Variants in CCDC171 observed in about 807,000 individuals in gnomAD.
CCDC171 encodes coiled-coil domain containing 171.
A neutral mutation model predicts 168.2 loss-of-function variants in CCDC171; 177 were observed. That is an observed-to-expected ratio of 1.05 (90% confidence interval 0.93 to 1.19). The LOEUF (loss-of-function observed/expected upper bound fraction) is 1.19. Ranked by LOEUF, CCDC171 falls within the 50% of genes most tolerant of loss-of-function variation. CCDC171 has a pLI of 0.00. For missense variants in CCDC171, 1,991 were observed against 1,539.0 expected (o/e 1.29, Z -4.91); for synonymous variants, 687 against 540.8 (o/e 1.27, Z -3.75).
chr9:15,909,837 A>G (rs1411792559), intron 24 of CCDC171, among the ~76,000 whole-genome samples: 1 of 151,970 alleles, frequency 6.6e-6, no homozygotes, highest in East Asian at 1.9e-4. Context: ...TTTTATTTTT[A>G]TTTTTACATA....
chr9:15,682,325 A>G (rs1202913802), intron 10 of CCDC171, among the ~76,000 whole-genome samples: 1 of 152,018 alleles, frequency 6.6e-6, no homozygotes, highest in Non-Finnish European at 1.5e-5. Context: ...AACCAGTTGG[A>G]AAGTGATAGC....
At chr9:15,558,170 G>GT (rs1395406984) in intron 1 of CCDC171, among the ~76,000 whole-genome samples, 1 of 151,862 alleles carries the variant, frequency 6.6e-6, no homozygotes, top group Non-Finnish European at 1.5e-5. Context: ...TTGCATCAAT[G>GT]TTCATCAGGG....
intron 3 of CCDC171, among the ~76,000 whole-genome samples, chr9:15,576,814 T>C (rs1289650695): frequency 6.6e-6 from 1 of 152,206 alleles, no homozygotes; most frequent in Admixed American, 6.5e-5. Flanking sequence ...TGGAGCAGAC[T>C]GCATTTTTCC....
the CCDC171 span, among the ~76,000 whole-genome samples, chr9:16,083,624 A>G: frequency 6.6e-6 from 1 of 152,100 alleles, no homozygotes; most frequent in Non-Finnish European, 1.5e-5. Context: ...GAGGGTGGAG[A>G]TGGTTCTAGA....
rs1191106364 is a variant in CCDC171, at chr9:15,821,705, C to A, written c.3268-24997C>A. ...AAGAGGATTCAAACAAATGGAAGAA[C>A]ATTCCATGCTCCTGGGTGGGAAGAA... On this transcript the variant is annotated intron_variant, in intron 21 of 25. Coordinates refer to ENST00000380701, the MANE Select transcript of CCDC171 (RefSeq NM_173550.4). 4.3e-5 allele frequency among the ~76,000 whole-genome samples: 5 copies of A among 117,276 alleles called. 2 individuals carry two copies. Among genetic ancestry groups the A allele is most frequent in the African/African-American group, 1.6e-4 (5 of 31,082 alleles). 76.9% of individuals were successfully genotyped at this position (117,276 alleles called of 152,430 possible). A position where few individuals can be genotyped will look rare whatever the true frequency, so the allele number is the denominator to read the frequency against.
intron 10 of CCDC171, among the ~76,000 whole-genome samples, chr9:15,690,169 C>G (rs1232723377): frequency 6.6e-6 from 1 of 152,070 alleles, no homozygotes; most frequent in Non-Finnish European, 1.5e-5. Context: ...TTAGTAGGGA[C>G]AACACTGTTC....
chr9:16,012,753 C>G (rs555520971), intron 3 of CCDC171, among the ~76,000 whole-genome samples: 5 of 152,040 alleles, frequency 3.3e-5, no homozygotes, highest in Non-Finnish European at 7.4e-5. Context: ...TCATCTTGGT[C>G]ATTCTTATTC....
At chr9:15,563,352 G>A (rs1032608995) in intron 1 of CCDC171, among the ~76,000 whole-genome samples, 2 of 151,888 alleles carry the variant, frequency 1.3e-5, no homozygotes, top group African/African-American at 2.4e-5. Context: ...TGGTCAGGCT[G>A]GTTTAGAACT....
chr9:16,007,328 A>G (rs895411093), intron 3 of CCDC171, among the ~76,000 whole-genome samples: 1 of 152,104 alleles, frequency 6.6e-6, no homozygotes, highest in Admixed American at 6.6e-5. Flanking sequence ...GATTCTGGAT[A>G]TTAGCCCTTT....
the CCDC171 span, among the ~76,000 whole-genome samples, chr9:16,107,768 C>G: frequency 3.3e-5 from 5 of 152,100 alleles, no homozygotes; most frequent in African/African-American, 4.8e-5. Flanking sequence ...ACATTTTCAT[C>G]TCGTTCCACA....
chr9:15,721,243 C>T (rs2053457251), intron 11 of CCDC171, among the ~76,000 whole-genome samples: 1 of 151,630 alleles, frequency 6.6e-6, no homozygotes, highest in Non-Finnish European at 1.5e-5. Flanking sequence ...AGAATATTTC[C>T]AAGTATAACA....
chr9:15,573,218 T>A (rs2040374254), intron 3 of CCDC171, among the ~76,000 whole-genome samples: 1 of 152,154 alleles, frequency 6.6e-6, no homozygotes, highest in South Asian at 2.1e-4. Context: ...TAACAAGAGA[T>A]GAATACATAA....
intron 3 of CCDC171, among the ~76,000 whole-genome samples, chr9:16,008,560 G>C (rs1832772541): frequency 6.6e-6 from 1 of 152,090 alleles, no homozygotes; most frequent in Admixed American, 6.6e-5. Flanking sequence ...GCGTCTCATG[G>C]ATCCATCCTA....
chr9:15,892,067 G>A (rs954214904), intron 24 of CCDC171, among the ~76,000 whole-genome samples: 12 of 152,096 alleles, frequency 7.9e-5, no homozygotes, highest in Admixed American at 7.9e-4. Flanking sequence ...TATCCACTGC[G>A]TTTCAATATG....
the CCDC171 span, among the ~76,000 whole-genome samples, chr9:16,084,041 A>G: frequency 6.6e-6 from 1 of 152,234 alleles, no homozygotes; most frequent in East Asian, 1.9e-4. Flanking sequence ...CTGCTCTTAC[A>G]GAATATCCCA....
At chr9:15,958,787 G>A (rs1830067747) in intron 25 of CCDC171, among the ~76,000 whole-genome samples, 1 of 152,048 alleles carries the variant, frequency 6.6e-6, no homozygotes, top group South Asian at 2.1e-4. Context: ...TAATGCAATG[G>A]TAGTGTCCAA....
intron 18 of CCDC171, among the ~76,000 whole-genome samples, chr9:15,754,009 T>C (rs2055930473): frequency 6.6e-6 from 1 of 152,142 alleles, no homozygotes; most frequent in South Asian, 2.1e-4. Flanking sequence ...TTTTCCAGGG[T>C]CATGTGTTTT....
chr9:15,959,727 G>C (rs1441195561), intron 25 of CCDC171, among the ~76,000 whole-genome samples: 1 of 152,038 alleles, frequency 6.6e-6, no homozygotes, highest in East Asian at 1.9e-4. Flanking sequence ...AGATTTTATG[G>C]GCAGGCACCC....
intron 21 of CCDC171, among the ~76,000 whole-genome samples, chr9:15,822,153 C>G (rs2059802888): frequency 6.6e-6 from 1 of 152,104 alleles, no homozygotes; most frequent in African/African-American, 2.4e-5. Context: ...ACACTGGATC[C>G]CTTCCTTACA....
Sources: allele counts gnomAD v4.1 joint callset (sites outside exome capture counted in the v4.1 genomes callset), GRCh38; gene constraint gnomAD v4.1.1; transcripts MANE v1.5; gene names NCBI Gene and HGNC (gene_info 2026-07-23, HGNC 2026-07-21).